The following PACRG variants were observed in gnomAD, a reference collection of about 807,000 sequenced individuals.
PACRG encodes the protein parkin coregulated.
PACRG carries 29 observed loss-of-function variants against 29.7 expected under a neutral mutation model. The observed-to-expected ratio is 0.98, with a 90% CI of 0.73 to 1.33. PACRG has a LOEUF of 1.33. Among genes scored for constraint, PACRG ranks in the 40% most tolerant of loss-of-function variants. The pLI is 0.00. For missense variants in PACRG, 279 were observed against 316.2 expected (o/e 0.88, Z 0.89); for synonymous variants, 116 against 118.7 (o/e 0.98, Z 0.15).
intron 2 of PACRG, among the ~76,000 whole-genome samples, chr6:163,032,425 T>A (rs1224927481): frequency 6.6e-6 from 1 of 152,184 alleles, no homozygotes. Flanking sequence ...CTATAGCTGA[T>A]TACAAACCAC....
intron 4 of PACRG, among the ~76,000 whole-genome samples, chr6:163,125,378 A>G (rs1191404153): frequency 6.6e-6 from 1 of 152,246 alleles, no homozygotes; most frequent in Non-Finnish European, 1.5e-5. Context: ...TCTAGGAAGT[A>G]TAAGGAAAAG....
At chr6:163,237,136 G>A (rs1053193584) in intron 4 of PACRG, among the ~76,000 whole-genome samples, 5 of 152,088 alleles carry the variant, frequency 3.3e-5, no homozygotes, top group African/African-American at 9.7e-5. Context: ...TTTGAGATAC[G>A]TAATGTGTAG....
In PACRG at chr6:162,853,497, T is replaced by C. The variant is rs183864216; in HGVS notation, c.291+39216T>C. On this transcript the variant is annotated intron_variant, in intron 2 of 4. Transcript: ENST00000366888. This position sits in a 1 kb window ranked among gnomAD's most constrained non-coding sequence, Gnocchi z 4.7. ...TTCTCAGTCCTTGTAGCCAATCTTC[T>C]TGTTTTTATCACAGCCTTAATAAGA... Among the ~76,000 whole-genome samples the C allele has an allele frequency of 3.6e-3, 556 of 152,362 alleles. 2 individuals carry two copies. The highest frequency in any genetic ancestry group is 0.018 in the South Asian group (89 of 4,828).
chr6:163,300,165 C>G (rs1222076243), intron 4 of PACRG, among the ~76,000 whole-genome samples: 1 of 152,194 alleles, frequency 6.6e-6, no homozygotes, highest in Non-Finnish European at 1.5e-5. Context: ...TTGTCCAGAC[C>G]TAAGATGGCA....
chr6:163,196,659 TA>T (rs1410435738), intron 4 of PACRG, among the ~76,000 whole-genome samples: 1 of 152,174 alleles, frequency 6.6e-6, no homozygotes, highest in Non-Finnish European at 1.5e-5. Flanking sequence ...TCACTTATCA[TA>T]TTCTGCAATC....
At chr6:162,816,089 C>T (rs1029094373) in intron 2 of PACRG, among the ~76,000 whole-genome samples, 11 of 151,690 alleles carry the variant, frequency 7.3e-5, no homozygotes, top group Admixed American at 7.2e-4. Flanking sequence ...TTTGATAATC[C>T]AACAGTCAGC....
chr6:162,838,813 A>G (rs925879823), intron 2 of PACRG, among the ~76,000 whole-genome samples: 4 of 138,970 alleles, frequency 2.9e-5, no homozygotes, highest in Admixed American at 7.9e-5. Context: ...TCATTGTTCA[A>G]TTCCCACCTA....
intron 2 of PACRG, among the ~76,000 whole-genome samples, chr6:162,982,276 T>C (rs1802503002): frequency 6.6e-6 from 1 of 152,006 alleles, no homozygotes; most frequent in Non-Finnish European, 1.5e-5. Context: ...TTTTATATTG[T>C]TTTCTTTTTG....
At chr6:162,749,498 G>A (rs113404235) in intron 1 of PACRG, among the ~76,000 whole-genome samples, 26 of 152,144 alleles carry the variant, frequency 1.7e-4, no homozygotes, top group African/African-American at 6.0e-4. Flanking sequence ...TTCTCCTGGG[G>A]CACAAAATAA....
At chr6:163,154,500 A>T (rs1042532015) in intron 4 of PACRG, among the ~76,000 whole-genome samples, 5 of 152,162 alleles carry the variant, frequency 3.3e-5, no homozygotes, top group African/African-American at 1.2e-4. Flanking sequence ...ATTAAGACAG[A>T]CAAAAGGACT....
chr6:162,821,722 T>C (rs1787855574), intron 2 of PACRG, among the ~76,000 whole-genome samples: 1 of 152,158 alleles, frequency 6.6e-6, no homozygotes, highest in Admixed American at 6.5e-5. Flanking sequence ...GAGACACAAA[T>C]TGGTCTTTGA....
chr6:162,785,591 T>TGGGGGGGGGGGGGGG (rs1784406736), intron 1 of PACRG, among the ~76,000 whole-genome samples: 2 of 139,892 alleles, frequency 1.4e-5, no homozygotes, highest in South Asian at 2.2e-4. Context: ...GTGCGGGGGT[T>TGGGGGGGGGGGGGGG]GGGGGAGGAT....
intron 2 of PACRG, among the ~76,000 whole-genome samples, chr6:162,921,464 C>A (rs1411335558): frequency 2.6e-5 from 4 of 152,132 alleles, no homozygotes; most frequent in Admixed American, 6.5e-5. Context: ...TTTCTCTGAC[C>A]TCTGGGGGTG....
intron 2 of PACRG, among the ~76,000 whole-genome samples, chr6:162,950,269 G>A (rs183521579): frequency 2.6e-5 from 4 of 152,236 alleles, no homozygotes; most frequent in East Asian, 3.9e-4. Flanking sequence ...AGGCCGAGAC[G>A]GGTGGATCGT....
intron 2 of PACRG, among the ~76,000 whole-genome samples, chr6:163,041,253 C>T (rs1381043434): frequency 2.6e-5 from 4 of 152,076 alleles, no homozygotes; most frequent in African/African-American, 4.8e-5. Flanking sequence ...AGGAGAATGG[C>T]GTGAACCTGG....
chr6:163,283,838 A>G (rs977708541), intron 4 of PACRG, among the ~76,000 whole-genome samples: 17 of 142,960 alleles, frequency 1.2e-4, no homozygotes, highest in African/African-American at 4.2e-4. Context: ...TTTAGGCCAG[A>G]TGCGGTGGCT....
rs779475036 is a variant in PACRG at position 162,728,052 on chromosome 6, T to A, written c.-184T>A. On this transcript the variant is annotated 5_prime_UTR_variant, in exon 1 of 5. Transcript: ENST00000366888. ...TCCTGCCCTCTTCCCGCCCCGCCCC[T>A]AGGGTCCAGCTCCCTTCACCTAGGA... is the stretch of plus-strand genomic sequence containing the variant. The A allele has an allele frequency of 1.4e-6, 1 of 740,166 alleles. No individual in the cohort carries two copies. The highest frequency in any genetic ancestry group is 2.2e-6 in the Non-Finnish European group (1 of 444,540). 45.8% of individuals were successfully genotyped at this position (740,166 alleles called of 1,614,324 possible).
At chr6:163,093,619 G>A (rs1292550122) in intron 4 of PACRG, among the ~76,000 whole-genome samples, 1 of 152,132 alleles carries the variant, frequency 6.6e-6, no homozygotes, top group East Asian at 1.9e-4. Flanking sequence ...CCATATTTTG[G>A]TTCATTTCTA....
intron 2 of PACRG, among the ~76,000 whole-genome samples, chr6:162,994,093 G>A (rs1317071591): frequency 2.2e-5 from 3 of 135,756 alleles, no homozygotes; most frequent in African/African-American, 3.3e-5. Context: ...GGCTTGTAGT[G>A]TTTCTGCCGA....
Sources: allele counts gnomAD v4.1 joint callset (sites outside exome capture counted in the v4.1 genomes callset), GRCh38; gene constraint gnomAD v4.1.1; non-coding constraint Gnocchi (gnomAD v3.1); transcripts MANE v1.5; gene names NCBI Gene and HGNC (gene_info 2026-07-23, HGNC 2026-07-21).